Variants in CSMD3 observed in about 807,000 individuals in gnomAD.
The protein encoded by CSMD3 is CUB and sushi domain-containing protein 3.
CSMD3 carries 177 observed loss-of-function variants against 435.2 expected under a neutral mutation model. That is an observed-to-expected ratio of 0.41 (90% CI 0.36 to 0.46). The LOEUF (loss-of-function observed/expected upper bound fraction) is 0.46, where lower values mean the gene tolerates loss of function less well. Ranked by LOEUF, CSMD3 falls within the 20% of genes least tolerant of loss-of-function variation. The pLI is 0.34. For synonymous variants in CSMD3, 1,656 were observed against 1,520.5 expected (o/e 1.09, Z -2.07); for missense variants, 4,265 against 4,504.6 (o/e 0.95, Z 1.52).
chr8:112,612,709 CTTTTTTTTTTT>C lies in CSMD3; in HGVS notation c.3715+24097_3715+24107del, dbSNP rs532290154. Among the ~76,000 whole-genome samples, 7 of 65,888 alleles carry C rather than the reference CTTTTTTTTTTT, an allele frequency of 1.1e-4. No individual in the cohort carries two copies. The East Asian group carries it at 2.0e-3, about 18-fold the overall frequency. 43.2% of individuals were successfully genotyped at this position (65,888 alleles called of 152,430 possible). ...TTTCTGAACTCTTTCTTTCTTTGTT[CTTTTTTTTTTT>C]TTTTTTTTTTTTTTTTCAGATGGAG... On this transcript the variant is annotated intron_variant, in intron 22 of 70. Coordinates refer to ENST00000297405, the MANE Select transcript of CSMD3 (RefSeq NM_198123.2).
At chr8:112,610,673 G>A (rs7821241) in intron 22 of CSMD3, among the ~76,000 whole-genome samples, 86,214 of 151,922 alleles carry the variant, frequency 0.57, 24,960 homozygotes, top group African/African-American at 0.67. Context: ...TTTTCCTAAC[G>A]CTTTGCAAAA....
At chr8:112,732,699 C>CAAAAAAAAAAAAAAA (rs34891739) in intron 13 of CSMD3, among the ~76,000 whole-genome samples, 1 of 97,192 alleles carries the variant, frequency 1.0e-5, no homozygotes, top group African/African-American at 3.4e-5. Context: ...GACTCCATCT[C>CAAAAAAAAAAAAAAA]AAAAAAAAAA....
chr8:112,602,719 T>C (rs1237037414), intron 22 of CSMD3, among the ~76,000 whole-genome samples: 1 of 151,882 alleles, frequency 6.6e-6, no homozygotes, highest in Non-Finnish European at 1.5e-5. Flanking sequence ...TTATATACTA[T>C]ATTCTTACAA....
intron 4 of CSMD3, among the ~76,000 whole-genome samples, chr8:113,107,210 C>T (rs1179404276): frequency 6.6e-6 from 1 of 152,188 alleles, no homozygotes; most frequent in Non-Finnish European, 1.5e-5. Context: ...GTGGTGGTGG[C>T]ATCAGGCAGG....
chr8:112,355,600 G>A (rs772451108), intron 38 of CSMD3, among the ~76,000 whole-genome samples: 1 of 152,136 alleles, frequency 6.6e-6, no homozygotes, highest in Non-Finnish European at 1.5e-5. Flanking sequence ...TTGGAAGTCT[G>A]AGGCAGGTGC....
chr8:112,320,276 A>G lies in CSMD3; in HGVS notation c.7166-295T>C, dbSNP rs115572906. On this transcript the variant is annotated intron_variant, in intron 45 of 70. Coordinates refer to ENST00000297405, the MANE Select transcript of CSMD3 (RefSeq NM_198123.2). ...CTCCTTTGCATGATCACAATTTGGA[A>G]TTACGTATTCATGTTTGCTTACTTG... Among the ~76,000 whole-genome samples the G allele has an allele frequency of 4.4e-3, 674 of 152,150 alleles. 6 individuals carry two copies. The highest frequency in any genetic ancestry group is 0.016 in the African/African-American group (647 of 41,524).
At chr8:112,545,142 T>C (rs530878263) in intron 27 of CSMD3, among the ~76,000 whole-genome samples, 25 of 152,232 alleles carry the variant, frequency 1.6e-4, no homozygotes, top group Admixed American at 1.4e-3. Context: ...ATACATGCTG[T>C]AGCATAACTA....
intron 28 of CSMD3, among the ~76,000 whole-genome samples, chr8:112,510,432 TA>T (rs1822989969): frequency 6.6e-6 from 1 of 152,224 alleles, no homozygotes; most frequent in Admixed American, 6.5e-5. Flanking sequence ...TCCATGACTT[TA>T]CTCATTTTGT....
intron 13 of CSMD3, among the ~76,000 whole-genome samples, chr8:112,763,431 C>T (rs998093918): frequency 1.3e-5 from 2 of 150,410 alleles, no homozygotes; most frequent in African/African-American, 4.9e-5. Context: ...TTTAAATTAT[C>T]CTAATATATT....
intron 47 of CSMD3, among the ~76,000 whole-genome samples, chr8:112,317,774 T>C (rs549422555): frequency 9.2e-5 from 14 of 152,156 alleles, no homozygotes; most frequent in African/African-American, 3.1e-4. Context: ...TTTTATCTTC[T>C]TGAAAGGCTT....
intron 8 of CSMD3, among the ~76,000 whole-genome samples, chr8:112,948,542 A>T (rs560587288): frequency 5.9e-5 from 9 of 152,120 alleles, no homozygotes; most frequent in Middle Eastern, 3.4e-3. Context: ...AGATGTATTA[A>T]TTTTTTCAGT....
intron 45 of CSMD3, among the ~76,000 whole-genome samples, chr8:112,327,047 T>TA (rs1282819150): frequency 1.3e-5 from 2 of 151,948 alleles, no homozygotes; most frequent in African/African-American, 4.8e-5. Context: ...AGTAAATAAA[T>TA]AAATAAATTG....
intron 13 of CSMD3, among the ~76,000 whole-genome samples, chr8:112,723,539 T>A (rs2131979323): frequency 6.6e-6 from 1 of 152,242 alleles, no homozygotes; most frequent in Non-Finnish European, 1.5e-5. Flanking sequence ...TGCCAAGAAG[T>A]GGGGCTATTA....
intron 3 of CSMD3, among the ~76,000 whole-genome samples, chr8:113,205,700 G>A (rs1347121078): frequency 6.6e-6 from 1 of 151,912 alleles, no homozygotes; most frequent in East Asian, 1.9e-4. Context: ...AATCAAAATA[G>A]ACAGAAAAAA....
intron 32 of CSMD3, among the ~76,000 whole-genome samples, chr8:112,436,768 T>A (rs1271414234): frequency 6.6e-6 from 1 of 152,074 alleles, no homozygotes; most frequent in Non-Finnish European, 1.5e-5. Flanking sequence ...TTCTAGGTTC[T>A]ATATAAATTT....
In CSMD3 at chr8:112,975,770, T is replaced by G. The variant is rs1406772029; in HGVS notation, c.1342+67A>C. 1.9e-6 allele frequency: 3 copies of G among 1,609,520 alleles called. No individual in the cohort carries two copies. In the African/African-American group the frequency reaches 4.0e-5, roughly 22 times the overall value. On this transcript the variant is annotated intron_variant, in intron 7 of 70. Transcript: ENST00000297405. ...GCTCTCTTTCAGCTCATTCTCTAAT[T>G]AGAATCATTACCAAAATATAGCTTT...
chr8:112,382,423 C>G (rs557519042), intron 37 of CSMD3, among the ~76,000 whole-genome samples: 1 of 151,828 alleles, frequency 6.6e-6, no homozygotes, highest in Non-Finnish European at 1.5e-5. Flanking sequence ...ATGTTTAAAT[C>G]AAATCACTCT....
At chr8:112,880,703 G>A (rs1440679397) in intron 10 of CSMD3, among the ~76,000 whole-genome samples, 3 of 151,924 alleles carry the variant, frequency 2.0e-5, no homozygotes, top group Non-Finnish European at 2.9e-5. Context: ...TATATGATAG[G>A]CTACTACAGT....
chr8:112,543,471 G>A (rs564675594), intron 27 of CSMD3, among the ~76,000 whole-genome samples: 1 of 152,090 alleles, frequency 6.6e-6, no homozygotes, highest in African/African-American at 2.4e-5. Flanking sequence ...TGGACAACAG[G>A]TATATAAAGA....
Sources: allele counts gnomAD v4.1 joint callset (sites outside exome capture counted in the v4.1 genomes callset), GRCh38; gene constraint gnomAD v4.1.1; transcripts MANE v1.5; gene names NCBI Gene and HGNC (gene_info 2026-07-23, HGNC 2026-07-21).